ZFP91: variants seen among roughly 807,000 people sequenced by gnomAD.
ZFP91 encodes E3 ubiquitin-protein ligase ZFP91.
A neutral mutation model predicts 63.5 loss-of-function variants in ZFP91; 7 were observed. The observed-to-expected ratio is 0.11, with a 90% CI of 0.06 to 0.21. The LOEUF (loss-of-function observed/expected upper bound fraction) is 0.21. ZFP91 is among the 10% of genes least tolerant of loss of function. The pLI, the probability that ZFP91 is intolerant of heterozygous loss-of-function variation, is 1.00. For missense variants in ZFP91, 628 were observed against 736.6 expected, an observed-to-expected ratio of 0.85 and a Z score of 1.71; for synonymous variants, 330 against 272.1, an observed-to-expected ratio of 1.21 and a Z score of -2.10.
chr11:58,586,810 T>A (rs1855218178), intron 2 of ZFP91, among the ~76,000 whole-genome samples: 1 of 152,212 alleles, frequency 6.6e-6, no homozygotes, highest in Non-Finnish European at 1.5e-5. Flanking sequence ...TTCAGTCTGC[T>A]AAATTTTAAC....
rs779519784 is a variant in ZFP91, at chr11:58,612,813, T to C, written c.960T>C (p.Thr320=). ...GTTGTGAGATGGAAGGATGTGGAAC[T>C]GTCCTTGCCCATCCTCGCTATTTGC... The part of the protein sequence containing the change: ...YVRCEMEGCG[T]VLAHPRYLQH... Residue 320 remains threonine (T), a synonymous_variant, in exon 8 of 11, where the codon ACT becomes ACC. Transcript: ENST00000316059. 1.2e-5 allele frequency: 20 copies of C among 1,612,766 alleles called. No homozygotes were observed. Among genetic ancestry groups the C allele is most frequent in the Non-Finnish European group, 1.6e-5 (19 of 1,179,388 alleles).
intron 2 of ZFP91, among the ~76,000 whole-genome samples, chr11:58,609,105 A>G (rs910958435): frequency 6.6e-6 from 1 of 152,102 alleles, no homozygotes; most frequent in Non-Finnish European, 1.5e-5. Context: ...AGGTCTAAGT[A>G]TTTAGCTACG....
intron 7 of ZFP91, chr11:58,612,538 G>A (rs1855683781): frequency 4.8e-6 from 3 of 622,382 alleles, no homozygotes; most frequent in Non-Finnish European, 8.3e-6. Context: ...TTTACCTTTG[G>A]GGGGTCATTA....
chr11:58,605,633 G>A (rs1041934418), intron 2 of ZFP91, among the ~76,000 whole-genome samples: 1 of 151,710 alleles, frequency 6.6e-6, no homozygotes, highest in Non-Finnish European at 1.5e-5. Context: ...ATGAGCGGCT[G>A]TTAATCTTGT....
At chr11:58,595,044 G>A (rs751669079) in intron 2 of ZFP91, among the ~76,000 whole-genome samples, 4 of 152,084 alleles carry the variant, frequency 2.6e-5, no homozygotes, top group East Asian at 1.9e-4. Context: ...TCCATTTCTC[G>A]TTTATATGGT....
At chr11:58,585,352 T>C (rs908088192) in intron 2 of ZFP91, among the ~76,000 whole-genome samples, 2 of 152,216 alleles carry the variant, frequency 1.3e-5, no homozygotes, top group South Asian at 4.1e-4. Context: ...TATAGTTTTC[T>C]GTTTTCCTGG....
intron 1 of ZFP91, among the ~76,000 whole-genome samples, chr11:58,580,045 C>T (rs554987143): frequency 2.0e-5 from 3 of 151,990 alleles, no homozygotes; most frequent in Non-Finnish European, 2.9e-5. Context: ...GATTCCCCCC[C>T]GCCTTCGCGT....
chr11:58,609,724 TGAAAA>T, intron 2 of ZFP91, 101 bp from the exon 3 acceptor site: 4 of 1,044,054 alleles, frequency 3.8e-6, no homozygotes, highest in Non-Finnish European at 5.5e-6. Flanking sequence ...TTTTTTCCTT[TGAAAA>T]TATTTAATTT....
At chr11:58,605,758 A>G (rs1026424809) in intron 2 of ZFP91, among the ~76,000 whole-genome samples, 9 of 151,824 alleles carry the variant, frequency 5.9e-5, no homozygotes, top group African/African-American at 1.2e-4. Context: ...CATTTATCCT[A>G]CTAGGAGTTA....
In ZFP91 at chr11:58,579,487, C is replaced by G. The variant is rs1228770727; in HGVS notation, c.206C>G (p.Ser69Cys). The G allele has an allele frequency of 6.6e-7, 1 of 1,513,696 alleles. No homozygotes were observed. Among genetic ancestry groups the G allele is most frequent in the African/African-American group, 1.4e-5 (1 of 69,174 alleles). 93.8% of individuals were successfully genotyped at this position (1,513,696 alleles called of 1,614,324 possible). A position where few individuals can be genotyped will look rare whatever the true frequency, so the allele number is the denominator to read the frequency against. ...GCGGCCGCCGCCGCCGCAGCTGTGT[C>G]CCGCCGGAGGAAGGCCGAGTATCCC... ...AAAAAAAAAV[S>C]RRRKAEYPRR... The change falls in exon 1 of 11, where the codon TCC becomes TGC. Residue 69 changes from serine (S) to cysteine (C), a missense_variant. Transcript: ENST00000316059.
In ZFP91 at chr11:58,611,036, A is replaced by G; in HGVS notation, c.704A>G (p.Tyr235Cys). The G allele has an allele frequency of 6.2e-7, 1 of 1,613,166 alleles. No homozygotes were observed. Residue 235 changes from tyrosine to cysteine, a missense_variant, in exon 5 of 11, where the codon TAC becomes TGC. Coordinates refer to ENST00000316059, the MANE Select transcript of ZFP91 (RefSeq NM_053023.5). ...AAAGATGATCCAAGAGATGAGACCT[A>G]CAAACCCCACTTAGAAAGGCATGTC... ...PFKDDPRDET[Y>C]KPHLERETPK...
At position 58,579,467 on chromosome 11, in the gene ZFP91, C is replaced by T. The variant is rs1390746507; in HGVS notation, c.186C>T (p.Ala62=). Residue 62 remains alanine, a synonymous_variant, in exon 1 of 11, where the codon GCC becomes GCT. Transcript: ENST00000316059. Reference sequence around the variant, plus strand: ...GGGACCGAGGCCGGGCCGCTGCGGCCGCCGCCGCCGCAGCTGTGTCCCGCC... The same window carrying T: ...GGGACCGAGGCCGGGCCGCTGCGGCTGCCGCCGCCGCAGCTGTGTCCCGCC... ...GGRDRGRAAA[A]AAAAAVSRRR... 21 of 1,453,880 alleles carry T rather than the reference C, an allele frequency of 1.4e-5. No homozygotes were observed. Among genetic ancestry groups the T allele is most frequent in the Non-Finnish European group, 1.8e-5 (20 of 1,109,696 alleles). 90.1% of individuals were successfully genotyped at this position (1,453,880 alleles called of 1,614,324 possible). A position where few individuals can be genotyped will look rare whatever the true frequency, so the allele number is the denominator to read the frequency against.
At chr11:58,599,184 A>G (rs1406107475) in intron 2 of ZFP91, among the ~76,000 whole-genome samples, 1 of 150,286 alleles carries the variant, frequency 6.7e-6, no homozygotes, top group African/African-American at 2.4e-5. Flanking sequence ...TATATATGAC[A>G]TTTTGTTTAT....
At chr11:58,592,956 C>T (rs895490792) in intron 2 of ZFP91, among the ~76,000 whole-genome samples, 2 of 151,832 alleles carry the variant, frequency 1.3e-5, no homozygotes, top group Admixed American at 1.3e-4. Context: ...AGAGTGAGAG[C>T]GAGAGAGAGG....
intron 2 of ZFP91, among the ~76,000 whole-genome samples, chr11:58,586,461 T>C (rs1855211180): frequency 6.6e-6 from 1 of 152,136 alleles, no homozygotes. Flanking sequence ...TATTGGCATG[T>C]TTTGTGGTTG....
intron 2 of ZFP91, among the ~76,000 whole-genome samples, chr11:58,588,434 C>T (rs911291681): frequency 6.6e-6 from 1 of 152,070 alleles, no homozygotes; most frequent in Admixed American, 6.6e-5. Context: ...GATTATTTTT[C>T]CTCCTGTCTG....
At chr11:58,579,671 C>G in intron 1 of ZFP91, 49 bp downstream of exon 1, 2 of 1,466,848 alleles carry the variant, frequency 1.4e-6, no homozygotes, top group Non-Finnish European at 1.8e-6. Context: ...TCTGTCCGTA[C>G]GCAACCCTCT....
intron 2 of ZFP91, among the ~76,000 whole-genome samples, chr11:58,604,023 T>C (rs1176159529): frequency 6.6e-6 from 1 of 152,180 alleles, no homozygotes; most frequent in East Asian, 1.9e-4. Context: ...CTGGAATGGG[T>C]TAAGACTCTG....
At position 58,617,503 on chromosome 11, in the gene ZFP91, T is replaced by C; in HGVS notation, c.1510T>C (p.Ser504Pro). ...TCCTGAGCCCTTGGGAAACTCAACC[T>C]CTGGAGAGTGCCTACTGTTAGAAGC... ...LLPEPLGNST[S>P]GECLLLEAEG... The change falls in exon 11 of 11, where the codon TCT becomes CCT. Residue 504 changes from serine to proline, a missense_variant. Transcript: ENST00000316059. This position sits in a 1 kb window ranked among gnomAD's most constrained non-coding sequence, Gnocchi z 4.2. The C allele has an allele frequency of 6.2e-7, 1 of 1,614,106 alleles. No individual in the cohort carries two copies. The highest frequency in any genetic ancestry group is 8.5e-7 in the Non-Finnish European group (1 of 1,180,002).
Sources: allele counts gnomAD v4.1 joint callset (sites outside exome capture counted in the v4.1 genomes callset), GRCh38; gene constraint gnomAD v4.1.1; non-coding constraint Gnocchi (gnomAD v3.1); transcripts MANE v1.5; gene names NCBI Gene and HGNC (gene_info 2026-07-23, HGNC 2026-07-21).